Variants in FAR2 observed in about 807,000 individuals in gnomAD.
FAR2 encodes epididymis secretory protein Li 81.
Under a neutral mutation model 56.0 loss-of-function variants are expected in FAR2, and 19 were observed. That is an observed-to-expected ratio of 0.34 (90% CI 0.24 to 0.50). The LOEUF (loss-of-function observed/expected upper bound fraction) is 0.50. Among genes scored for constraint, FAR2 ranks in the 20% least tolerant of loss-of-function variants. FAR2 has a pLI of 0.98. For synonymous variants in FAR2, 219 were observed against 218.8 expected, an observed-to-expected ratio of 1.00 and a Z score of -0.01; for missense variants, 508 against 642.2, an observed-to-expected ratio of 0.79 and a Z score of 2.26.
rs1949273664 is a variant in FAR2, at chr12:29,307,650, C to T, written c.546-8C>T. On this transcript the variant is annotated splice_polypyrimidine_tract_variant and splice_region_variant and intron_variant, in intron 4 of 11. Coordinates refer to ENST00000536681, the MANE Select transcript of FAR2 (RefSeq NM_001271783.2). ...TGTTACTAGAATTCTCTTTACTCTACCTTTTAGGTGGTTAGACGATGCTAT... is the reference window on the plus strand; with the variant it reads ...TGTTACTAGAATTCTCTTTACTCTATCTTTTAGGTGGTTAGACGATGCTAT... The T allele has an allele frequency of 1.9e-6, 3 of 1,601,184 alleles. No homozygotes were observed. Among genetic ancestry groups the T allele is most frequent in the African/African-American group, 1.4e-5 (1 of 74,068 alleles).
At chr12:29,254,950 C>A (rs1180827054) in intron 1 of FAR2, among the ~76,000 whole-genome samples, 440 of 121,012 alleles carry the variant, frequency 3.6e-3, no homozygotes, top group Middle Eastern at 8.8e-3. Flanking sequence ...AAGACTGTCT[C>A]AAAAAAAAAA....
At position 29,152,922 on chromosome 12, in the gene FAR2, T is replaced by G. The variant is rs1160661184; in HGVS notation, c.-39+3515T>G. Among the ~76,000 whole-genome samples, 5 of 152,272 alleles carry G rather than the reference T, an allele frequency of 3.3e-5. No homozygotes were observed. The East Asian group carries it at 5.8e-4, about 18-fold the overall frequency. Reference sequence around the variant, plus strand: ...GAGATGAACAAACAAGACTTTTGGGTGCCCAGGGACCACAGTGGCACTTTG... The same window carrying G: ...GAGATGAACAAACAAGACTTTTGGGGGCCCAGGGACCACAGTGGCACTTTG... On this transcript the variant is annotated intron_variant, in intron 1 of 11. Transcript: ENST00000536681.
At chr12:29,176,719 C>G (rs902055393) in intron 1 of FAR2, among the ~76,000 whole-genome samples, 1 of 152,132 alleles carries the variant, frequency 6.6e-6, no homozygotes, top group Admixed American at 6.5e-5. Context: ...GTTAAACTTG[C>G]CTAAGATCTT....
chr12:29,324,936 T>A (rs561485837), intron 10 of FAR2, among the ~76,000 whole-genome samples: 227 of 152,272 alleles, frequency 1.5e-3, no homozygotes, highest in African/African-American at 5.4e-3. Flanking sequence ...AATGCTCCAA[T>A]TAAAAGGCAC....
intron 1 of FAR2, among the ~76,000 whole-genome samples, chr12:29,193,324 A>G (rs1325447358): frequency 6.6e-6 from 1 of 152,198 alleles, no homozygotes; most frequent in African/African-American, 2.4e-5. Flanking sequence ...GCAAATGTTT[A>G]ATAACATGTT....
intron 4 of FAR2, among the ~76,000 whole-genome samples, chr12:29,299,220 A>AT (rs1290281681): frequency 5.3e-5 from 8 of 150,894 alleles, no homozygotes; most frequent in Non-Finnish European, 7.4e-5. Flanking sequence ...TCTCAAAAAA[A>AT]AAAAAAAAAA....
chr12:29,249,488 A>G (rs1376952678), intron 1 of FAR2, among the ~76,000 whole-genome samples: 12 of 152,220 alleles, frequency 7.9e-5, no homozygotes, highest in Admixed American at 7.8e-4. Context: ...ACTTTTTAAA[A>G]CTTTGAGTTA....
chr12:29,269,071 C>G lies in FAR2; in HGVS notation c.-38-1341C>G, dbSNP rs1948568784. Among the ~76,000 whole-genome samples, 4 of 152,104 alleles carry G rather than the reference C, an allele frequency of 2.6e-5. 1 individual carries two copies. In the South Asian group the frequency reaches 8.3e-4, roughly 32 times the overall value. ...TCATTGATAACATCTTATCAGGAGA[C>G]AGGATTTTGACAGCAACCGGTCTGA... On this transcript the variant is annotated intron_variant, in intron 1 of 11. Transcript: ENST00000536681.
chr12:29,316,751 T>C (rs909892313), intron 8 of FAR2, 90 bp from the exon 9 acceptor site: 34 of 1,280,330 alleles, frequency 2.7e-5, no homozygotes, highest in Non-Finnish European at 3.6e-5. Flanking sequence ...TCCTTCGTCT[T>C]TATTGTTTTG....
chr12:29,154,685 A>C (rs1204052384), intron 1 of FAR2, among the ~76,000 whole-genome samples: 1 of 152,070 alleles, frequency 6.6e-6, no homozygotes, highest in African/African-American at 2.4e-5. Flanking sequence ...CGCCTGCCTC[A>C]AAGTGCTGGG....
At chr12:29,235,403 G>A (rs546815939) in intron 1 of FAR2, among the ~76,000 whole-genome samples, 1 of 152,266 alleles carries the variant, frequency 6.6e-6, no homozygotes, top group East Asian at 1.9e-4. Flanking sequence ...GCAGCTTTGT[G>A]TGTGGTGGAA....
intron 1 of FAR2, among the ~76,000 whole-genome samples, chr12:29,267,810 T>C (rs927094156): frequency 2.6e-5 from 4 of 152,158 alleles, no homozygotes; most frequent in Non-Finnish European, 5.9e-5. Flanking sequence ...CTAAAATGAA[T>C]AGCATTGATG....
chr12:29,222,620 T>G (rs573569746), intron 1 of FAR2, among the ~76,000 whole-genome samples: 1 of 152,168 alleles, frequency 6.6e-6, no homozygotes, highest in Admixed American at 6.5e-5. Flanking sequence ...TTGATATCAC[T>G]CTAGATATCA....
chr12:29,333,122 A>C, intron 11 of FAR2: 1 of 330,454 alleles, frequency 3.0e-6, no homozygotes, highest in Non-Finnish European at 5.9e-6. Flanking sequence ...GTCACTCCTC[A>C]ATTTTTTCAA....
intron 4 of FAR2, among the ~76,000 whole-genome samples, chr12:29,299,011 C>T (rs546148958): frequency 6.6e-6 from 1 of 151,946 alleles, no homozygotes; most frequent in East Asian, 1.9e-4. Context: ...GTCAGGAGTT[C>T]GAGACCAGCC....
At chr12:29,269,090 G>A (rs185842402) in intron 1 of FAR2, among the ~76,000 whole-genome samples, 132 of 152,178 alleles carry the variant, frequency 8.7e-4, no homozygotes, top group South Asian at 2.7e-3. Flanking sequence ...GACAGCAACC[G>A]GTCTGACCAA....
At chr12:29,285,627 A>C (rs934679306) in intron 2 of FAR2, among the ~76,000 whole-genome samples, 9 of 152,112 alleles carry the variant, frequency 5.9e-5, no homozygotes, top group Non-Finnish European at 1.2e-4. Flanking sequence ...TTTTTCTTAA[A>C]AGCTTCAAAT....
At chr12:29,249,278 A>G (rs1400027579) in intron 1 of FAR2, among the ~76,000 whole-genome samples, 1 of 152,216 alleles carries the variant, frequency 6.6e-6, no homozygotes, top group Non-Finnish European at 1.5e-5. Context: ...TTCTTCTGCC[A>G]TGGCTTCAGC....
intron 8 of FAR2, among the ~76,000 whole-genome samples, chr12:29,316,584 AAG>A (rs1949454537): frequency 2.6e-5 from 4 of 152,176 alleles, no homozygotes; most frequent in Admixed American, 2.0e-4. Context: ...TTGTATTGAC[AAG>A]TGTTTCCCCA....
Sources: gnomAD v4.1 joint callset for allele counts (sites outside exome capture counted in the v4.1 genomes callset) on GRCh38, gnomAD v4.1.1 for gene constraint, MANE v1.5 for transcripts, NCBI Gene and HGNC (gene_info 2026-07-23, HGNC 2026-07-21) for gene names.